Variants in CNTN5 observed in about 807,000 individuals in gnomAD.
CNTN5 encodes the protein contactin-5.
Under a neutral mutation model 129.1 loss-of-function variants are expected in CNTN5, and 77 were observed. The observed-to-expected ratio is 0.60, with a 90% confidence interval of 0.50 to 0.72. The LOEUF is 0.72. Among genes scored for constraint, CNTN5 ranks in the 30% least tolerant of loss-of-function variants. The pLI is 0.00. For synonymous variants in CNTN5, 509 were observed against 465.6 expected (o/e 1.09, Z -1.20); for missense variants, 1,478 against 1,328.8 (o/e 1.11, Z -1.75).
intron 1 of CNTN5, among the ~76,000 whole-genome samples, chr11:99,143,336 T>C (rs1859619486): frequency 7.5e-6 from 1 of 133,432 alleles, no homozygotes; most frequent in Non-Finnish European, 1.7e-5. Flanking sequence ...GTAATATATA[T>C]GTATGTGTGT....
At chr11:99,400,192 G>A (rs1025789784) in intron 2 of CNTN5, among the ~76,000 whole-genome samples, 8 of 151,974 alleles carry the variant, frequency 5.3e-5, no homozygotes, top group African/African-American at 1.9e-4. Flanking sequence ...CTTAGCCTCT[G>A]CTTACCAATC....
intron 6 of CNTN5, among the ~76,000 whole-genome samples, chr11:99,852,391 G>A (rs960905374): frequency 2.0e-5 from 3 of 152,142 alleles, no homozygotes; most frequent in African/African-American, 4.8e-5. Flanking sequence ...TGCCCAGGCT[G>A]GTCTTGAGCT....
chr11:99,145,433 C>T (rs549091398), intron 1 of CNTN5, among the ~76,000 whole-genome samples: 42 of 151,196 alleles, frequency 2.8e-4, no homozygotes, highest in Middle Eastern at 3.4e-3. Flanking sequence ...ACTTTGGTTT[C>T]GGTTGTGGGT....
chr11:100,273,065 G>A (rs1950435814), intron 18 of CNTN5, among the ~76,000 whole-genome samples: 1 of 152,134 alleles, frequency 6.6e-6, no homozygotes, highest in African/African-American at 2.4e-5. Flanking sequence ...TTGCCCATCA[G>A]ATGGGGCCAG....
chr11:99,568,672 C>T (rs904425518), intron 3 of CNTN5, among the ~76,000 whole-genome samples: 1 of 152,130 alleles, frequency 6.6e-6, no homozygotes, highest in African/African-American at 2.4e-5. Context: ...TTATATTAAA[C>T]AAATTTTATA....
intron 1 of CNTN5, among the ~76,000 whole-genome samples, chr11:99,276,107 CCT>C (rs567439310): frequency 6.7e-4 from 101 of 151,722 alleles, no homozygotes; most frequent in African/African-American, 2.4e-3. Context: ...TCAATATTCC[CCT>C]GATTTAACTT....
chr11:99,048,464 T>A (rs761163716), intron 1 of CNTN5, among the ~76,000 whole-genome samples: 1 of 152,176 alleles, frequency 6.6e-6, no homozygotes. Context: ...AATTACTTCA[T>A]ATAAATTTTC....
In CNTN5 at chr11:99,842,260, T is replaced by A. The variant is rs1947532045; in HGVS notation, c.278-2592T>A. 1.3e-5 allele frequency among the ~76,000 whole-genome samples: 2 copies of A among 152,172 alleles called. 1 individual carries two copies. The highest frequency in any genetic ancestry group is 4.1e-4 in the South Asian group (2 of 4,822). On this transcript the variant is annotated intron_variant, in intron 4 of 24. Transcript: ENST00000524871. The stretch of plus-strand genomic sequence containing the variant: ...TTTGTCATCTCTAAGATAAAAGGAC[T>A]GATTATTGCCAATGGTGATTGTGAG...
chr11:99,617,280 G>T (rs1950791079), intron 3 of CNTN5, among the ~76,000 whole-genome samples: 1 of 152,126 alleles, frequency 6.6e-6, no homozygotes, highest in South Asian at 2.1e-4. Context: ...AAACCATCCT[G>T]GCTGCAGTGT....
rs771489959 is a variant in CNTN5, at chr11:99,484,097, C to T, written c.-70-72048C>T. On this transcript the variant is annotated intron_variant, in intron 2 of 24. Coordinates refer to ENST00000524871, the MANE Select transcript of CNTN5 (RefSeq NM_014361.4). ...AAAAACGTCTACACAACAAAGGAAA[C>T]GGTCAATAGAATGAAATAACAATGA... Among the ~76,000 whole-genome samples the T allele has an allele frequency of 9.2e-5, 14 of 151,938 alleles. No homozygotes were observed. In the East Asian group the frequency reaches 2.5e-3, roughly 27 times the overall value.
rs973591547 is a variant in CNTN5 at position 99,059,365 on chromosome 11, T to A, written c.-210+38095T>A. Among the ~76,000 whole-genome samples the A allele has an allele frequency of 2.0e-5, 3 of 152,218 alleles. No individual in the cohort carries two copies. The East Asian group carries it at 5.8e-4, about 29-fold the overall frequency. On this transcript the variant is annotated intron_variant, in intron 1 of 24. Transcript: ENST00000524871. ...TTGGCAGAGAGGGAACTTTACTTCATTTTACTTCTGCTGTGCTCTATGACC... is the reference window on the plus strand; with the variant it reads ...TTGGCAGAGAGGGAACTTTACTTCAATTTACTTCTGCTGTGCTCTATGACC...
chr11:100,194,008 A>C (rs2138516069), intron 15 of CNTN5, among the ~76,000 whole-genome samples: 1 of 152,122 alleles, frequency 6.6e-6, no homozygotes, highest in South Asian at 2.1e-4. Flanking sequence ...TAAAATAAAT[A>C]AATAAAATGC....
intron 3 of CNTN5, among the ~76,000 whole-genome samples, chr11:99,654,627 GTTAAA>G (rs1429869939): frequency 1.3e-5 from 2 of 152,014 alleles, no homozygotes; most frequent in African/African-American, 4.8e-5. Flanking sequence ...CTGAGTTGTT[GTTAAA>G]TTAAATTGCT....
intron 2 of CNTN5, among the ~76,000 whole-genome samples, chr11:99,334,443 A>C (rs1866134810): frequency 6.6e-6 from 1 of 152,170 alleles, no homozygotes; most frequent in African/African-American, 2.4e-5. Flanking sequence ...TCATTATACA[A>C]TACACAGGTG....
At chr11:99,594,379 G>T (rs1028170078) in intron 3 of CNTN5, among the ~76,000 whole-genome samples, 3 of 152,188 alleles carry the variant, frequency 2.0e-5, no homozygotes, top group Non-Finnish European at 4.4e-5. Flanking sequence ...TCTGGGGGAT[G>T]TTGCTGATAT....
At chr11:99,373,212 A>G (rs1414203590) in intron 2 of CNTN5, among the ~76,000 whole-genome samples, 1 of 152,116 alleles carries the variant, frequency 6.6e-6, no homozygotes, top group East Asian at 1.9e-4. Context: ...TCCATCTCAT[A>G]TAGTTCAGGT....
chr11:99,760,834 C>T (rs921186017), intron 3 of CNTN5, among the ~76,000 whole-genome samples: 3 of 151,948 alleles, frequency 2.0e-5, no homozygotes, highest in Admixed American at 6.6e-5. Flanking sequence ...ATTTATTACA[C>T]ACACACACAG....
At chr11:99,297,707 G>A (rs1228157526) in intron 1 of CNTN5, among the ~76,000 whole-genome samples, 1 of 152,114 alleles carries the variant, frequency 6.6e-6, no homozygotes, top group East Asian at 1.9e-4. Context: ...TACTGGCTTC[G>A]ATCTCAGGTT....
intron 2 of CNTN5, among the ~76,000 whole-genome samples, chr11:99,377,548 C>T (rs1940259002): frequency 6.6e-6 from 1 of 152,048 alleles, no homozygotes; most frequent in Admixed American, 6.6e-5. Flanking sequence ...GAAGGCCTCA[C>T]TTTCTATGAT....
Sources: allele counts gnomAD v4.1 joint callset (sites outside exome capture counted in the v4.1 genomes callset), GRCh38; gene constraint gnomAD v4.1.1; transcripts MANE v1.5; gene names NCBI Gene and HGNC (gene_info 2026-07-23, HGNC 2026-07-21).